Variants in CYP4Z1 observed in about 807,000 individuals in gnomAD.
CYP4Z1 encodes cytochrome P450 4Z1.
CYP4Z1 carries 41 observed loss-of-function variants against 54.2 expected under a neutral mutation model. The observed-to-expected ratio is 0.76, with a 90% confidence interval of 0.59 to 0.98. CYP4Z1 has a LOEUF of 0.98. Among genes scored for constraint, CYP4Z1 ranks in the 50% least tolerant of loss-of-function variants. The pLI, the probability that CYP4Z1 is intolerant of heterozygous loss-of-function variation, is 0.00. For synonymous variants in CYP4Z1, 163 were observed against 206.2 expected (o/e 0.79, Z 1.79); for missense variants, 513 against 599.0 (o/e 0.86, Z 1.50).
chr1:47,069,629 G>A (rs907028002), intron 2 of CYP4Z1, among the ~76,000 whole-genome samples: 3 of 151,754 alleles, frequency 2.0e-5, no homozygotes, highest in Admixed American at 1.3e-4. Flanking sequence ...TTCTCCTTTG[G>A]AGTTATTTTC....
chr1:47,069,441 GCC>G (rs35525115), intron 2 of CYP4Z1, among the ~76,000 whole-genome samples: 62,311 of 151,076 alleles, frequency 0.41, 13,799 homozygotes, highest in East Asian at 0.92. Flanking sequence ...ATTTCAAGCA[GCC>G]TGTGGCTCTC....
intron 6 of CYP4Z1, among the ~76,000 whole-genome samples, chr1:47,086,826 T>C (rs1320972230): frequency 6.6e-6 from 1 of 152,142 alleles, no homozygotes; most frequent in Non-Finnish European, 1.5e-5. Flanking sequence ...TATGGTTTTA[T>C]GTCTAACATT....
the CYP4Z1 span, among the ~76,000 whole-genome samples, chr1:47,055,581 T>G: frequency 6.6e-6 from 1 of 152,160 alleles, no homozygotes; most frequent in Non-Finnish European, 1.5e-5. Flanking sequence ...CTATTAATTA[T>G]TGCCTCAATT....
intron 9 of CYP4Z1, among the ~76,000 whole-genome samples, chr1:47,111,737 TA>T (rs964670398): frequency 2.0e-5 from 3 of 152,100 alleles, no homozygotes; most frequent in Non-Finnish European, 4.4e-5. Flanking sequence ...TAGACCACAA[TA>T]AAAAAACTTA....
At chr1:47,115,837 G>C (rs1460015414) in intron 10 of CYP4Z1, among the ~76,000 whole-genome samples, 1 of 152,186 alleles carries the variant, frequency 6.6e-6, no homozygotes. Context: ...GGTGTGATTA[G>C]TCAACTGACA....
intron 6 of CYP4Z1, among the ~76,000 whole-genome samples, chr1:47,086,064 G>A (rs1223352371): frequency 1.3e-5 from 2 of 152,044 alleles, no homozygotes; most frequent in Non-Finnish European, 2.9e-5. Context: ...TGGTGTATAT[G>A]TGCCACATTT....
In CYP4Z1 at chr1:47,098,338, C is replaced by T. The variant is rs570726368; in HGVS notation, c.877-756C>T. ...CTTCTCGAAAAGGTCCTTCACTTCC[C>T]CTGTTAGATGTATTCCTACATATTT... On this transcript the variant is annotated intron_variant, in intron 7 of 11. Transcript: ENST00000334194. Among the ~76,000 whole-genome samples, 14 of 152,222 alleles carry T rather than the reference C, an allele frequency of 9.2e-5. No individual in the cohort carries two copies. In the East Asian group the frequency reaches 2.5e-3, roughly 27 times the overall value.
intron 7 of CYP4Z1, 28 bp from the exon 8 acceptor site, chr1:47,099,066 G>C: frequency 6.2e-7 from 1 of 1,612,320 alleles, no homozygotes; most frequent in South Asian, 1.1e-5. Flanking sequence ...AGCCAGCTTT[G>C]GATAAAGATC....
the CYP4Z1 span, among the ~76,000 whole-genome samples, chr1:47,062,196 G>A: frequency 6.6e-6 from 1 of 152,154 alleles, no homozygotes; most frequent in Non-Finnish European, 1.5e-5. Context: ...TCAGGCAAGA[G>A]GAAGACATAG....
At chr1:47,057,335 A>AAAAAAAAATATATATATAT in the CYP4Z1 span, among the ~76,000 whole-genome samples, 1 of 28,490 alleles carries the variant, frequency 3.5e-5, no homozygotes, top group African/African-American at 9.1e-5. Flanking sequence ...AAGAAAAAAA[A>AAAAAAAAATATATATATAT]ATATATATAT....
chr1:47,083,389 A>G (rs1644569505), intron 4 of CYP4Z1, among the ~76,000 whole-genome samples: 1 of 152,240 alleles, frequency 6.6e-6, no homozygotes, highest in African/African-American at 2.4e-5. Flanking sequence ...AGCACTTACT[A>G]TGCATCAGGC....
At chr1:47,107,855 T>C (rs1446231803) in intron 9 of CYP4Z1, among the ~76,000 whole-genome samples, 1 of 152,192 alleles carries the variant, frequency 6.6e-6, no homozygotes, top group African/African-American at 2.4e-5. Flanking sequence ...TTCACTTTCC[T>C]GATCTTGTGG....
chr1:47,103,338 C>CAA (rs1644733395), intron 8 of CYP4Z1, among the ~76,000 whole-genome samples: 1 of 144,666 alleles, frequency 6.9e-6, no homozygotes, highest in South Asian at 2.2e-4. Flanking sequence ...TGCCACCATG[C>CAA]CTGGCTAATT....
chr1:47,101,635 T>A (rs1388580689), intron 8 of CYP4Z1, among the ~76,000 whole-genome samples: 1 of 152,124 alleles, frequency 6.6e-6, no homozygotes, highest in Non-Finnish European at 1.5e-5. Context: ...TTTAATTTTT[T>A]AAAAATGTGT....
chr1:47,082,483 C>T (rs763768660), intron 4 of CYP4Z1, 22 bp downstream of exon 4: 20 of 1,594,686 alleles, frequency 1.3e-5, no homozygotes, highest in Non-Finnish European at 1.7e-5. Context: ...AGAGAGCATT[C>T]GTACCTGGCC....
At chr1:47,083,640 ACAT>A (rs999713001) in intron 4 of CYP4Z1, among the ~76,000 whole-genome samples, 2 of 152,218 alleles carry the variant, frequency 1.3e-5, no homozygotes, top group African/African-American at 4.8e-5. Flanking sequence ...TACTAAAAAT[ACAT>A]GATCATAAGG....
chr1:47,077,434 CT>C (rs1252377768), intron 2 of CYP4Z1, among the ~76,000 whole-genome samples: 1 of 152,062 alleles, frequency 6.6e-6, no homozygotes, highest in Non-Finnish European at 1.5e-5. Context: ...TACCCTTTTA[CT>C]TTTAACCTCT....
intron 8 of CYP4Z1, among the ~76,000 whole-genome samples, chr1:47,105,868 T>A (rs1236831762): frequency 6.6e-6 from 1 of 151,956 alleles, no homozygotes; most frequent in Middle Eastern, 3.2e-3. Context: ...GTGATACTGG[T>A]CACAGGAGCC....
chr1:47,106,168 A>G lies in CYP4Z1; in HGVS notation c.1108A>G (p.Lys370Glu). The G allele has an allele frequency of 1.2e-6, 2 of 1,614,126 alleles. No homozygotes were observed. Among genetic ancestry groups the G allele is most frequent in the South Asian group, 1.1e-5 (1 of 91,076 alleles). ...SQMPYTTMCI[K>E]ECLRLYAPVV... is the part of the protein sequence containing the mutation. ...GATGCCTTACACCACGATGTGCATCAAGGAATGCCTCCGCCTCTACGCACC... is the reference window on the plus strand; with the variant it reads ...GATGCCTTACACCACGATGTGCATCGAGGAATGCCTCCGCCTCTACGCACC... The change falls in exon 9 of 12, where the codon AAG (lysine) becomes GAG (glutamate). Residue 370 changes from lysine (K) to glutamate (E), a missense_variant. Lys to Glu is a moderately conservative substitution (Grantham distance 56, BLOSUM62 1). Transcript: ENST00000334194.
Sources: allele counts gnomAD v4.1 joint callset (sites outside exome capture counted in the v4.1 genomes callset), GRCh38; gene constraint gnomAD v4.1.1; transcripts MANE v1.5; gene names NCBI Gene and HGNC (gene_info 2026-07-23, HGNC 2026-07-21).